The following TTLL11 variants were observed in gnomAD, a reference collection of about 807,000 sequenced individuals.
The protein encoded by TTLL11 is tubulin polyglutamylase TTLL11.
A neutral mutation model predicts 51.7 loss-of-function variants in TTLL11; 42 were observed. That is an observed-to-expected ratio of 0.81 (90% confidence interval 0.64 to 1.05). The LOEUF is 1.05. Among genes scored for constraint, TTLL11 ranks in the 50% least tolerant of loss-of-function variants. The pLI, the probability that TTLL11 is intolerant of heterozygous loss-of-function variation, is 0.00. For synonymous variants in TTLL11, 381 were observed against 383.5 expected (o/e 0.99, Z 0.08); for missense variants, 799 against 940.4 (o/e 0.85, Z 1.97).
chr9:121,960,255 T>C (rs2131623325), intron 6 of TTLL11, among the ~76,000 whole-genome samples: 1 of 152,336 alleles, frequency 6.6e-6, no homozygotes, highest in South Asian at 2.1e-4. Flanking sequence ...TGTACCTCAA[T>C]ATCCATGCAC....
chr9:121,916,532 C>T (rs1840333576), intron 6 of TTLL11, among the ~76,000 whole-genome samples: 1 of 150,968 alleles, frequency 6.6e-6, no homozygotes. Flanking sequence ...GAAAAAAAAG[C>T]CTTGATACAC....
chr9:121,982,075 C>A (rs1482129133), intron 4 of TTLL11, among the ~76,000 whole-genome samples: 1 of 152,192 alleles, frequency 6.6e-6, no homozygotes, highest in African/African-American at 2.4e-5. Context: ...CCACAAATTC[C>A]AGCTACCTTA....
intron 8 of TTLL11, among the ~76,000 whole-genome samples, chr9:121,845,836 G>A (rs966053850): frequency 6.6e-6 from 1 of 152,118 alleles, no homozygotes; most frequent in Non-Finnish European, 1.5e-5. Flanking sequence ...ACCAGAAAAG[G>A]CAGAAAAGAG....
chr9:121,890,896 C>T lies in TTLL11; in HGVS notation c.1482-20148G>A, dbSNP rs1219984217. Among the ~76,000 whole-genome samples the T allele has an allele frequency of 6.6e-6, 1 of 152,222 alleles. No individual in the cohort carries two copies. ...ACTTTGGGTCCCTCTCTGGCCCCAT[C>T]TCAGACCACAGTCCTATTTAAGCTC... On this transcript the variant is annotated intron_variant, in intron 6 of 8. Coordinates refer to ENST00000321582, the MANE Select transcript of TTLL11 (RefSeq NM_001139442.2). This position sits in a 1 kb window ranked among gnomAD's most constrained non-coding sequence, Gnocchi z 4.3.
chr9:122,028,001 T>G (rs914989180), intron 3 of TTLL11, among the ~76,000 whole-genome samples: 1 of 152,190 alleles, frequency 6.6e-6, no homozygotes, highest in Non-Finnish European at 1.5e-5. Flanking sequence ...AGGGCGGGAA[T>G]GGAACTATAC....
In TTLL11 at chr9:122,003,942, C is replaced by T. The variant is rs557192489; in HGVS notation, c.694-14172G>A. ...ACTCCTGACCAACATAGTGAAACCCCGTCTCTACTAAAAATACAAAAATAC... is the reference window on the plus strand; with the variant it reads ...ACTCCTGACCAACATAGTGAAACCCTGTCTCTACTAAAAATACAAAAATAC... On this transcript the variant is annotated intron_variant, in intron 3 of 8. Transcript: ENST00000321582. 2.7e-3 allele frequency among the ~76,000 whole-genome samples: 402 copies of T among 150,622 alleles called. 2 individuals carry two copies. Among genetic ancestry groups the T allele is most frequent in the African/African-American group, 9.1e-3 (376 of 41,112 alleles).
intron 8 of TTLL11, among the ~76,000 whole-genome samples, chr9:121,824,431 A>G (rs10985404): frequency 0.57 from 84,212 of 147,680 alleles, 24,319 homozygotes; most frequent in East Asian, 0.79. Context: ...AGCCAAGATC[A>G]CGCCACTGCA....
chr9:121,874,204 C>T (rs950258890), intron 6 of TTLL11, among the ~76,000 whole-genome samples: 3 of 152,072 alleles, frequency 2.0e-5, no homozygotes, highest in African/African-American at 7.2e-5. Context: ...GGTCTCGCTA[C>T]ATTGATCAGG....
intron 1 of TTLL11, among the ~76,000 whole-genome samples, chr9:122,052,628 C>G (rs1845192728): frequency 6.6e-6 from 1 of 152,180 alleles, no homozygotes; most frequent in Non-Finnish European, 1.5e-5. Flanking sequence ...TTTTTAAAAA[C>G]TCTTCCTTCA....
chr9:122,024,368 TGATATATA>T lies in TTLL11; in HGVS notation c.693+7347_693+7354del, dbSNP rs573621607. Among the ~76,000 whole-genome samples, 447 of 152,288 alleles carry T rather than the reference TGATATATA, an allele frequency of 2.9e-3. 1 individual carries two copies. Among genetic ancestry groups the T allele is most frequent in the African/African-American group, 0.01 (418 of 41,574 alleles). On this transcript the variant is annotated intron_variant, in intron 3 of 8. Transcript: ENST00000321582. ...GTTAAGATGTTGATTCTACTCAAAG[TGATATATA>T]GATTCAGCACAATTCCATTCAAAAT...
At chr9:121,993,782 A>C (rs1843177242) in intron 3 of TTLL11, among the ~76,000 whole-genome samples, 1 of 152,236 alleles carries the variant, frequency 6.6e-6, no homozygotes, top group Non-Finnish European at 1.5e-5. Context: ...AAACATTATT[A>C]GCAATGAGGG....
At chr9:121,977,269 C>T (rs1418035491) in intron 4 of TTLL11, among the ~76,000 whole-genome samples, 2 of 152,226 alleles carry the variant, frequency 1.3e-5, no homozygotes, top group African/African-American at 4.8e-5. Context: ...CCAATCCCAG[C>T]TCAGTCCCTT....
At chr9:121,843,563 A>C (rs1035589272) in intron 8 of TTLL11, among the ~76,000 whole-genome samples, 1 of 152,132 alleles carries the variant, frequency 6.6e-6, no homozygotes, top group African/African-American at 2.4e-5. Context: ...AAATCTTCTC[A>C]TGCTTCAGAA....
At chr9:121,842,725 GT>G (rs1455578229) in intron 8 of TTLL11, among the ~76,000 whole-genome samples, 1 of 152,236 alleles carries the variant, frequency 6.6e-6, no homozygotes, top group South Asian at 2.1e-4. Flanking sequence ...TGATCAGATG[GT>G]TTGTGAGATT....
Position 121,825,775 on chromosome 9 carries a change from C to T in TTLL11, c.1841-2896G>A, listed in dbSNP as rs77618732. On this transcript the variant is annotated intron_variant, in intron 8 of 8. Coordinates refer to ENST00000321582, the MANE Select transcript of TTLL11 (RefSeq NM_001139442.2). ...CTCTTTACTCAACAAATGTCAGTTT[C>T]GTTCCCTTAGTTGATGGTAGAATGT... 6.4e-3 allele frequency among the ~76,000 whole-genome samples: 970 copies of T among 151,740 alleles called. 8 individuals carry two copies. The highest frequency in any genetic ancestry group is 0.023 in the African/African-American group (930 of 41,326).
At chr9:121,982,207 T>A (rs940346114) in intron 4 of TTLL11, among the ~76,000 whole-genome samples, 5 of 152,188 alleles carry the variant, frequency 3.3e-5, no homozygotes, top group Non-Finnish European at 7.4e-5. Flanking sequence ...GAGGCAACCA[T>A]AAGACTCACC....
intron 3 of TTLL11, among the ~76,000 whole-genome samples, chr9:122,026,402 C>A (rs981174796): frequency 6.8e-6 from 1 of 147,612 alleles, no homozygotes; most frequent in African/African-American, 2.5e-5. Flanking sequence ...CACGCCACTG[C>A]ACTCCAGCCT....
At chr9:122,068,873 T>C (rs968315472) in intron 1 of TTLL11, among the ~76,000 whole-genome samples, 3 of 152,176 alleles carry the variant, frequency 2.0e-5, no homozygotes, top group African/African-American at 7.2e-5. Flanking sequence ...GGCTCACTTA[T>C]AAAAACCTCC....
chr9:122,017,291 C>T (rs189316296), intron 3 of TTLL11, among the ~76,000 whole-genome samples: 2 of 152,204 alleles, frequency 1.3e-5, no homozygotes, highest in East Asian at 3.9e-4. Flanking sequence ...TTGGCTTTCA[C>T]CCGTCAAAAA....
Sources: allele counts gnomAD v4.1 joint callset (sites outside exome capture counted in the v4.1 genomes callset), GRCh38; gene constraint gnomAD v4.1.1; non-coding constraint Gnocchi (gnomAD v3.1); transcripts MANE v1.5; gene names NCBI Gene and HGNC (gene_info 2026-07-23, HGNC 2026-07-21).